The following SAAL1 variants were observed in gnomAD, a reference collection of about 807,000 sequenced individuals.
SAAL1 encodes protein SAAL1.
SAAL1 carries 42 observed loss-of-function variants against 59.8 expected under a neutral mutation model. The ratio of observed to expected loss-of-function variants is 0.70; its 90% confidence interval spans 0.55 to 0.91. SAAL1 has a LOEUF of 0.91. Ranked by LOEUF, SAAL1 falls within the 40% of genes least tolerant of loss-of-function variation. SAAL1 has a pLI of 0.00. For missense variants in SAAL1, 542 were observed against 561.1 expected (o/e 0.97, Z 0.34); for synonymous variants, 191 against 194.3 (o/e 0.98, Z 0.14).
At chr11:18,089,811 A>T (rs1848502599) in intron 6 of SAAL1, among the ~76,000 whole-genome samples, 1 of 152,200 alleles carries the variant, frequency 6.6e-6, no homozygotes, top group African/African-American at 2.4e-5. Flanking sequence ...CACTTTTGGG[A>T]GCCCAAGGCT....
At chr11:18,105,474 G>C (rs1848679360) in intron 1 of SAAL1, among the ~76,000 whole-genome samples, 1 of 151,750 alleles carries the variant, frequency 6.6e-6, no homozygotes, top group African/African-American at 2.4e-5. Flanking sequence ...CGCCTGGTCA[G>C]AAGCCACGTT....
At position 18,083,727 on chromosome 11, in the gene SAAL1, A is replaced by G; in HGVS notation, c.1047T>C (p.Asp349=). 1 of 1,601,480 alleles carries G rather than the reference A, an allele frequency of 6.2e-7. No individual in the cohort carries two copies. Among genetic ancestry groups the G allele is most frequent in the Non-Finnish European group, 8.5e-7 (1 of 1,173,884 alleles). The part of the protein sequence containing the change: ...EQEYLKIEKV[D]LPLIDSLIRV... ...GAATGAGGCTGTCAATTAGAGGAAG[A>G]TCTACTGTATAAACAAATCAAGAAG... Residue 349 remains aspartate, a synonymous_variant, in exon 10 of 12, where the codon GAT becomes GAC. Transcript: ENST00000524803.
chr11:18,101,152 G>T (rs1848629449), intron 2 of SAAL1, among the ~76,000 whole-genome samples: 3 of 152,108 alleles, frequency 2.0e-5, no homozygotes, highest in Non-Finnish European at 4.4e-5. Context: ...AATTGGACCT[G>T]GAATTATGTC....
chr11:18,105,854 C>T (rs1160429754), intron 1 of SAAL1, 53 bp downstream of exon 1: 3 of 1,500,566 alleles, frequency 2.0e-6, no homozygotes, highest in Non-Finnish European at 2.7e-6. Flanking sequence ...GAGGCGGAGC[C>T]CCGGTGCCTG....
chr11:18,102,839 A>G (rs892942156), intron 2 of SAAL1, among the ~76,000 whole-genome samples: 1 of 152,216 alleles, frequency 6.6e-6, no homozygotes, highest in Non-Finnish European at 1.5e-5. Context: ...TAATACTGCA[A>G]TTACAGACAT....
intron 2 of SAAL1, among the ~76,000 whole-genome samples, chr11:18,097,603 G>T (rs1848590911): frequency 2.6e-5 from 4 of 152,200 alleles, no homozygotes; most frequent in African/African-American, 4.8e-5. Context: ...ACTTTGGGAG[G>T]CTGGTTAGAA....
At chr11:18,098,025 T>C (rs1199088313) in intron 2 of SAAL1, among the ~76,000 whole-genome samples, 1 of 151,984 alleles carries the variant, frequency 6.6e-6, no homozygotes, top group African/African-American at 2.4e-5. Flanking sequence ...GTACCATCTG[T>C]AGTCCCACCT....
chr11:18,105,698 C>T (rs1419877079), intron 1 of SAAL1, among the ~76,000 whole-genome samples: 2 of 152,172 alleles, frequency 1.3e-5, no homozygotes, highest in Admixed American at 1.3e-4. Context: ...CATTATACTT[C>T]CCTTTGTGTC....
intron 4 of SAAL1, 107 bp from the exon 5 acceptor site, chr11:18,090,600 T>A: frequency 1.7e-6 from 2 of 1,197,434 alleles, no homozygotes; most frequent in Non-Finnish European, 2.3e-6. Context: ...CAGCATATAT[T>A]CAGAAAAGCT....
chr11:18,080,808 G>C (rs1848401278), intron 11 of SAAL1, among the ~76,000 whole-genome samples: 1 of 152,188 alleles, frequency 6.6e-6, no homozygotes, highest in South Asian at 2.1e-4. Flanking sequence ...TAGGAAATGT[G>C]ATGTCATTTG....
rs1036421818 is a variant in SAAL1 at position 18,103,238 on chromosome 11, C to T, written c.244G>A (p.Asp82Asn). 13 of 1,601,002 alleles carry T rather than the reference C, an allele frequency of 8.1e-6. No individual in the cohort carries two copies. Among genetic ancestry groups the T allele is most frequent in the Admixed American group, 3.3e-5 (2 of 60,006 alleles). Residue 82 changes from aspartate (D) to asparagine (N), a missense_variant, in exon 2 of 12, where the codon GAT becomes AAT. Physicochemically the swap from Asp to Asn is conservative, Grantham distance 23 (BLOSUM62 1). Coordinates refer to ENST00000524803, the MANE Select transcript of SAAL1 (RefSeq NM_138421.3). ...TTTTGTTTCCAGCCTCATACCTCATCCATTGACATATCCCATACTCTGCAA... is the reference window on the plus strand; with the variant it reads ...TTTTGTTTCCAGCCTCATACCTCATTCATTGACATATCCCATACTCTGCAA... ...EICRVWDMSM[D>N]EDVALFLQEF...
At chr11:18,095,532 G>A (rs142950664) in intron 3 of SAAL1, among the ~76,000 whole-genome samples, 131 of 152,244 alleles carry the variant, frequency 8.6e-4, no homozygotes, top group Non-Finnish European at 1.4e-3. Flanking sequence ...CTGAAGTCAG[G>A]CCTAGGCTGA....
Position 18,089,515 on chromosome 11 carries a change from A to G in SAAL1, c.590-5T>C. The stretch of plus-strand genomic sequence containing the variant: ...CCACCTTCACCAGCAAGTCAACTGC[A>G]GAGAATAAAACAGATATTGAAATGA... On this transcript the variant is annotated splice_region_variant and splice_polypyrimidine_tract_variant and intron_variant, in intron 6 of 11. Transcript: ENST00000524803. The G allele has an allele frequency of 6.2e-7, 1 of 1,608,802 alleles. No homozygotes were observed. The highest frequency in any genetic ancestry group is 8.5e-7 in the Non-Finnish European group (1 of 1,178,464).
At chr11:18,105,409 G>T (rs928965262) in intron 1 of SAAL1, among the ~76,000 whole-genome samples, 1 of 149,920 alleles carries the variant, frequency 6.7e-6, no homozygotes, top group Admixed American at 6.7e-5. Context: ...CCTGGCTCAA[G>T]CGATCCTTCC....
At chr11:18,089,021 A>T (rs1355250050) in intron 7 of SAAL1, among the ~76,000 whole-genome samples, 1 of 152,248 alleles carries the variant, frequency 6.6e-6, no homozygotes, top group Non-Finnish European at 1.5e-5. Context: ...AACGTTAATG[A>T]AGTTGTTAAA....
chr11:18,098,911 G>A (rs1484648800), intron 2 of SAAL1, among the ~76,000 whole-genome samples: 1 of 152,214 alleles, frequency 6.6e-6, no homozygotes, highest in Non-Finnish European at 1.5e-5. Flanking sequence ...TTAAATGCCA[G>A]GCACAGTGAA....
At chr11:18,083,811 C>T (rs1848435227) in intron 9 of SAAL1, 80 bp from the exon 10 acceptor site, 7 of 875,290 alleles carry the variant, frequency 8.0e-6, no homozygotes, top group Non-Finnish European at 1.0e-5. Flanking sequence ...TAGTGCTAGA[C>T]ATTATTATTT....
Position 18,092,244 on chromosome 11 carries a change from C to T in SAAL1, c.413+1G>A, listed in dbSNP as rs1318680169. The stretch of plus-strand genomic sequence containing the variant: ...AAACATAATTATATAGTAAGACTTA[C>T]CCAAGATTTTTATCACTGCTGATGG... On this transcript the variant is annotated splice_donor_variant, in intron 4 of 11. Transcript: ENST00000524803. LOFTEE classifies it high-confidence loss of function. The T allele has an allele frequency of 6.6e-7, 1 of 1,521,764 alleles. No individual in the cohort carries two copies. The highest frequency in any genetic ancestry group is 9.1e-7 in the Non-Finnish European group (1 of 1,099,862). The allele number at this position is 1,521,764 out of a possible 1,614,324, so 94.3% of individuals were successfully genotyped here. A position where few individuals can be genotyped will look rare whatever the true frequency, so the allele number is the denominator to read the frequency against.
At chr11:18,094,913 G>C (rs539226611) in intron 3 of SAAL1, among the ~76,000 whole-genome samples, 2 of 152,278 alleles carry the variant, frequency 1.3e-5, no homozygotes, top group African/African-American at 4.8e-5. Context: ...GGAATCACCT[G>C]GGGAACTTTA....
Sources: gnomAD v4.1 joint callset for allele counts (sites outside exome capture counted in the v4.1 genomes callset) on GRCh38, gnomAD v4.1.1 for gene constraint, MANE v1.5 for transcripts, NCBI Gene and HGNC (gene_info 2026-07-23, HGNC 2026-07-21) for gene names.